Variants in RASGRP3 observed in about 807,000 individuals in gnomAD.
RASGRP3 encodes the protein ras guanyl-releasing protein 3.
RASGRP3 carries 54 observed loss-of-function variants against 82.7 expected under a neutral mutation model. That is an observed-to-expected ratio of 0.65 (90% CI 0.52 to 0.82). RASGRP3 has a LOEUF of 0.82. Among genes scored for constraint, RASGRP3 ranks in the 40% least tolerant of loss-of-function variants. RASGRP3 has a pLI of 0.00. For synonymous variants in RASGRP3, 309 were observed against 300.5 expected, an observed-to-expected ratio of 1.03 and a Z score of -0.29; for missense variants, 861 against 828.9, an observed-to-expected ratio of 1.04 and a Z score of -0.48.
intron 11 of RASGRP3, 111 bp from the exon 12 acceptor site, chr2:33,538,983 G>A: frequency 1.4e-6 from 1 of 718,254 alleles, no homozygotes; most frequent in East Asian, 2.8e-5. Context: ...AAATTGTAGT[G>A]AGCCGAAATT....
At chr2:33,530,163 C>G (rs985154054) in intron 10 of RASGRP3, among the ~76,000 whole-genome samples, 4 of 152,298 alleles carry the variant, frequency 2.6e-5, no homozygotes, top group Admixed American at 6.5e-5. Context: ...GCGAAGGCAT[C>G]CACATGCCAG....
chr2:33,541,247 A>G (rs1436400419), intron 12 of RASGRP3, among the ~76,000 whole-genome samples: 3 of 147,248 alleles, frequency 2.0e-5, no homozygotes, highest in Non-Finnish European at 3.0e-5. Context: ...AGAAAATAAA[A>G]AGCTTTACTT....
rs556558952 is a variant in RASGRP3, at chr2:33,483,302, A to G, written c.-261+6595A>G. ...CAGGTGGATCGATCTCCACCCCACA[A>G]TAGGTTCTAAGCCCCTTGGAAAGAT... On this transcript the variant is annotated intron_variant, in intron 1 of 17. Coordinates refer to ENST00000403687, the MANE Select transcript of RASGRP3 (RefSeq NM_001139488.2). 1.9e-4 allele frequency among the ~76,000 whole-genome samples: 29 copies of G among 152,236 alleles called. 1 individual carries two copies. The South Asian group carries it at 5.6e-3, about 29-fold the overall frequency.
chr2:33,485,866 C>A (rs904130271), intron 1 of RASGRP3, among the ~76,000 whole-genome samples: 3 of 152,284 alleles, frequency 2.0e-5, no homozygotes, highest in Non-Finnish European at 4.4e-5. Context: ...GAAGGTTTGT[C>A]TTTTTCAGCT....
At chr2:33,454,232 A>G (rs1665933362) in intron 2 of RASGRP3, among the ~76,000 whole-genome samples, 1 of 151,920 alleles carries the variant, frequency 6.6e-6, no homozygotes, top group Non-Finnish European at 1.5e-5. Flanking sequence ...CTTTTTAAGT[A>G]AAGTTATTTT....
chr2:33,472,891 A>G (rs1667143717), upstream of RASGRP3, among the ~76,000 whole-genome samples: 2 of 150,666 alleles, frequency 1.3e-5, no homozygotes, highest in African/African-American at 4.9e-5. Flanking sequence ...AAAAAAAAGC[A>G]AAAAGTGTCG....
At chr2:33,440,007 T>A (rs1427544603) in intron 1 of RASGRP3, among the ~76,000 whole-genome samples, 1 of 151,754 alleles carries the variant, frequency 6.6e-6, no homozygotes, top group Non-Finnish European at 1.5e-5. Context: ...TGGGTATGGT[T>A]ATAGGAGGAG....
intron 1 of RASGRP3, among the ~76,000 whole-genome samples, chr2:33,439,497 G>C (rs1665107791): frequency 6.6e-6 from 1 of 152,202 alleles, no homozygotes; most frequent in Admixed American, 6.5e-5. Context: ...AGGATGCCCA[G>C]TTCAATGTGA....
chr2:33,520,142 G>A (rs1051127733), intron 5 of RASGRP3, 128 bp downstream of exon 5: 14 of 722,896 alleles, frequency 1.9e-5, no homozygotes, highest in Admixed American at 8.2e-5. Context: ...CACCAACTTT[G>A]TTAAAATTGG....
At chr2:33,521,933 C>T (rs375657206) in intron 6 of RASGRP3, 22 bp from the exon 7 acceptor site, 36 of 1,594,262 alleles carry the variant, frequency 2.3e-5, no homozygotes, top group Non-Finnish European at 2.6e-5. Context: ...ACACATTGAC[C>T]GGACTCACTC....
chr2:33,461,853 A>G (rs1666384311), intron 2 of RASGRP3, among the ~76,000 whole-genome samples: 1 of 152,202 alleles, frequency 6.6e-6, no homozygotes, highest in Non-Finnish European at 1.5e-5. Flanking sequence ...AGGGAGTGAT[A>G]CTCCAGAAAA....
intron 10 of RASGRP3, chr2:33,532,775 A>G (rs780892814): frequency 1.3e-5 from 2 of 152,200 alleles, no homozygotes; most frequent in African/African-American, 2.4e-5. Flanking sequence ...AAGAAACGTG[A>G]CCTGATTATG....
At chr2:33,491,850 C>G (rs564500727) in intron 1 of RASGRP3, among the ~76,000 whole-genome samples, 2 of 152,218 alleles carry the variant, frequency 1.3e-5, no homozygotes, top group Admixed American at 6.5e-5. Flanking sequence ...CACAGCAGCC[C>G]GTGGCTGAGG....
chr2:33,531,664 A>G (rs1419546708), intron 10 of RASGRP3: 1 of 152,242 alleles, frequency 6.6e-6, no homozygotes, highest in Non-Finnish European at 1.5e-5. Context: ...GGTTAACTGC[A>G]TGCCCAGGCT....
intron 1 of RASGRP3, among the ~76,000 whole-genome samples, chr2:33,497,707 C>A (rs1168102889): frequency 6.6e-6 from 1 of 152,076 alleles, no homozygotes. Flanking sequence ...TCTTTGTATT[C>A]CCTTGAGTAC....
At chr2:33,492,001 C>G (rs919802427) in intron 1 of RASGRP3, among the ~76,000 whole-genome samples, 1 of 152,218 alleles carries the variant, frequency 6.6e-6, no homozygotes, top group African/African-American at 2.4e-5. Context: ...ATCATAGGTA[C>G]TTCTGCAAAA....
chr2:33,537,691 G>GA, intron 11 of RASGRP3, among the ~76,000 whole-genome samples: 1 of 152,008 alleles, frequency 6.6e-6, no homozygotes. Context: ...AGAAAAGATA[G>GA]AAAAAAATAG....
chr2:33,453,435 G>C (rs1208957627), intron 2 of RASGRP3, among the ~76,000 whole-genome samples: 1 of 152,174 alleles, frequency 6.6e-6, no homozygotes, highest in Non-Finnish European at 1.5e-5. Context: ...GCTGAGGTCT[G>C]CTTTTGAGGT....
chr2:33,505,961 A>G (rs1670336088), intron 1 of RASGRP3, among the ~76,000 whole-genome samples: 1 of 152,198 alleles, frequency 6.6e-6, no homozygotes, highest in African/African-American at 2.4e-5. Flanking sequence ...TTCTTGTTCA[A>G]CTTATGTCAG....
Sources: allele counts gnomAD v4.1 joint callset (sites outside exome capture counted in the v4.1 genomes callset), GRCh38; gene constraint gnomAD v4.1.1; transcripts MANE v1.5; gene names NCBI Gene and HGNC (gene_info 2026-07-23, HGNC 2026-07-21).